EYA2: variants seen among roughly 807,000 people sequenced by gnomAD.
EYA2 encodes EYA transcriptional coactivator and phosphatase 2.
A neutral mutation model predicts 69.2 loss-of-function variants in EYA2; 31 were observed. The ratio of observed to expected loss-of-function variants is 0.45; its 90% CI spans 0.34 to 0.60. The LOEUF (loss-of-function observed/expected upper bound fraction) is 0.60. Ranked by LOEUF, EYA2 falls within the 20% of genes least tolerant of loss-of-function variation. The pLI, the probability that EYA2 is intolerant of heterozygous loss-of-function variation, is 0.02. For synonymous variants in EYA2, 257 were observed against 279.4 expected, an observed-to-expected ratio of 0.92 and a Z score of 0.80; for missense variants, 622 against 701.2, an observed-to-expected ratio of 0.89 and a Z score of 1.28.
intron 10 of EYA2, chr20:47,161,349 C>A: frequency 2.1e-6 from 1 of 465,588 alleles, no homozygotes. Context: ...GACAATAAAT[C>A]CCTTGAGCCT....
chr20:47,033,618 A>T (rs1047265176), intron 5 of EYA2, among the ~76,000 whole-genome samples: 4 of 152,176 alleles, frequency 2.6e-5, no homozygotes, highest in Admixed American at 6.5e-5. Context: ...CCCTTCTTGC[A>T]GGCAAGGTGT....
chr20:46,953,242 A>G (rs747396105), intron 1 of EYA2, among the ~76,000 whole-genome samples: 6 of 152,188 alleles, frequency 3.9e-5, no homozygotes, highest in Non-Finnish European at 8.8e-5. Context: ...ATGTACTGTT[A>G]ACCCCACTTT....
At chr20:47,007,681 T>G (rs1982799810) in intron 4 of EYA2, among the ~76,000 whole-genome samples, 1 of 152,022 alleles carries the variant, frequency 6.6e-6, no homozygotes, top group Admixed American at 6.6e-5. Flanking sequence ...CATGGTGCAA[T>G]CATAGCTCAC....
At chr20:46,952,446 G>T (rs1978860050) in intron 1 of EYA2, among the ~76,000 whole-genome samples, 1 of 152,208 alleles carries the variant, frequency 6.6e-6, no homozygotes, top group Non-Finnish European at 1.5e-5. Flanking sequence ...TCGGTGTGAT[G>T]AATCAATAGC....
chr20:46,972,616 TC>T (rs1980209966), intron 1 of EYA2, among the ~76,000 whole-genome samples: 1 of 152,146 alleles, frequency 6.6e-6, no homozygotes, highest in Non-Finnish European at 1.5e-5. Flanking sequence ...AGTCATTTTA[TC>T]CCCACAGCAG....
chr20:47,036,143 A>G (rs961778141), intron 5 of EYA2, among the ~76,000 whole-genome samples: 1 of 152,184 alleles, frequency 6.6e-6, no homozygotes, highest in Non-Finnish European at 1.5e-5. Flanking sequence ...CATTTGACAG[A>G]TGAGAAAACT....
chr20:47,084,977 G>T (rs1001510028), intron 7 of EYA2, among the ~76,000 whole-genome samples: 2 of 151,716 alleles, frequency 1.3e-5, no homozygotes, highest in African/African-American at 4.8e-5. Context: ...CTGGGACTAT[G>T]GGTGTGTGCC....
chr20:47,117,937 C>G (rs1250301307), intron 9 of EYA2, among the ~76,000 whole-genome samples: 4 of 152,206 alleles, frequency 2.6e-5, no homozygotes, highest in Non-Finnish European at 5.9e-5. Context: ...TCCAATTTCT[C>G]CTGAGCTCAG....
At position 47,001,977 on chromosome 20, in the gene EYA2, G is replaced by A. The variant is rs567855492; in HGVS notation, c.155+504G>A. Among the ~76,000 whole-genome samples, 12 of 150,648 alleles carry A rather than the reference G, an allele frequency of 8.0e-5. No individual in the cohort carries two copies. The South Asian group carries it at 2.5e-3, about 32-fold the overall frequency. ...GACAGAGTCTTGCTCTGTCACCCAG[G>A]CTGGAGTGCAGTGGCGTGATCTCAG... On this transcript the variant is annotated intron_variant, in intron 3 of 15. Transcript: ENST00000327619.
At chr20:47,068,734 GGT>G (rs1027643711) in intron 5 of EYA2, among the ~76,000 whole-genome samples, 5 of 152,050 alleles carry the variant, frequency 3.3e-5, no homozygotes. Context: ...GAGGTGTTGT[GGT>G]TCCTTTATTA....
chr20:47,175,556 T>G (rs1389130058), intron 12 of EYA2, among the ~76,000 whole-genome samples: 1 of 152,162 alleles, frequency 6.6e-6, no homozygotes, highest in African/African-American at 2.4e-5. Context: ...TGTTGTGAAT[T>G]CACACAGGAA....
chr20:46,994,245 C>T (rs979793611), intron 2 of EYA2, among the ~76,000 whole-genome samples: 1 of 152,216 alleles, frequency 6.6e-6, no homozygotes, highest in Admixed American at 6.5e-5. Flanking sequence ...CATGCTCATG[C>T]AGTCCTTGCC....
At chr20:47,172,644 T>C (rs914170453) in intron 11 of EYA2, 63 bp from the exon 12 acceptor site, 14 of 1,514,950 alleles carry the variant, frequency 9.2e-6, no homozygotes, top group Non-Finnish European at 1.2e-5. Context: ...GCCTGTGGTC[T>C]CCCAGGGAAG....
intron 10 of EYA2, among the ~76,000 whole-genome samples, chr20:47,145,274 G>C (rs941574136): frequency 1.6e-4 from 25 of 152,192 alleles, no homozygotes; most frequent in Non-Finnish European, 2.9e-5. Flanking sequence ...TCTTAAGGCA[G>C]TAGCACTTGA....
At chr20:46,936,115 G>T (rs780490619) in intron 1 of EYA2, among the ~76,000 whole-genome samples, 1 of 152,164 alleles carries the variant, frequency 6.6e-6, no homozygotes, top group South Asian at 2.1e-4. Flanking sequence ...ATGCATTTGG[G>T]ATAAGGGCTG....
At chr20:47,027,800 C>T (rs924624580) in intron 5 of EYA2, among the ~76,000 whole-genome samples, 4 of 152,190 alleles carry the variant, frequency 2.6e-5, no homozygotes, top group African/African-American at 9.7e-5. Flanking sequence ...CTACTGAGCA[C>T]TGAAATGTGG....
chr20:46,895,881 T>G (rs951958590), intron 1 of EYA2, among the ~76,000 whole-genome samples: 4 of 152,226 alleles, frequency 2.6e-5, no homozygotes, highest in Admixed American at 2.6e-4. Flanking sequence ...CCTTTTGCAG[T>G]GCGAGGTTCC....
rs969564258 is a variant in EYA2, at chr20:47,088,684, C to T, written c.662-555C>T. 2.6e-5 allele frequency among the ~76,000 whole-genome samples: 4 copies of T among 152,162 alleles called. 1 individual carries two copies. Among genetic ancestry groups the T allele is most frequent in the African/African-American group, 9.7e-5 (4 of 41,438 alleles). On this transcript the variant is annotated intron_variant, in intron 7 of 15. Coordinates refer to ENST00000327619, the MANE Select transcript of EYA2 (RefSeq NM_005244.5). ...CTCACTGCAACCTCTAACTCCTGGG[C>T]TCAAGCGACCCTCCTACTCTGCCTC...
chr20:47,022,757 G>C (rs1983833354), intron 5 of EYA2, among the ~76,000 whole-genome samples: 1 of 147,842 alleles, frequency 6.8e-6, no homozygotes, highest in South Asian at 2.1e-4. Context: ...GGGCTCAAGT[G>C]ATTCTCCCGC....
Sources: gnomAD v4.1 joint callset for allele counts (sites outside exome capture counted in the v4.1 genomes callset) on GRCh38, gnomAD v4.1.1 for gene constraint, MANE v1.5 for transcripts, NCBI Gene and HGNC (gene_info 2026-07-23, HGNC 2026-07-21) for gene names.